SLC68A1: variants seen among roughly 807,000 people sequenced by gnomAD.
The protein encoded by SLC68A1 is solute carrier family 68 member 1, also known as major facilitator superfamily domain containing 13A.
At chr10:102,471,402 G>A in the SLC68A1 span, 1 of 1,609,114 alleles carries the variant, frequency 6.2e-7, no homozygotes, top group Non-Finnish European at 8.5e-7. Flanking sequence ...TGCAGGTATG[G>A]GGAGCAGCTC....
At chr10:102,471,062 C>T in the SLC68A1 span, 86 of 1,613,600 alleles carry the variant, frequency 5.3e-5, no homozygotes, top group Admixed American at 6.7e-5. Flanking sequence ...GCTGAGGCGG[C>T]GGGTTGAGGC....
chr10:102,471,060 G>A, the SLC68A1 span: 15 of 1,613,722 alleles, frequency 9.3e-6, no homozygotes, highest in Admixed American at 3.3e-5. Flanking sequence ...CTGCTGAGGC[G>A]GCGGGTTGAG....
At chr10:102,476,699 A>C in the SLC68A1 span, 2 of 986,234 alleles carry the variant, frequency 2.0e-6, no homozygotes, top group Admixed American at 1.2e-4. Flanking sequence ...AGGCAGGAGG[A>C]CAGAAGAGGA....
chr10:102,467,622 GGGTGGT>G, the SLC68A1 span, among the ~76,000 whole-genome samples: 1 of 151,998 alleles, frequency 6.6e-6, no homozygotes, highest in South Asian at 2.1e-4. Flanking sequence ...TGGCCCACGG[GGGTGGT>G]GGTGGGGACT....
At chr10:102,476,366 C>G in the SLC68A1 span, 2 of 390,608 alleles carry the variant, frequency 5.1e-6, no homozygotes, top group South Asian at 1.9e-4. Context: ...CTGTGGCCAA[C>G]CTAATTTTTG....
chr10:102,472,697 A>G, the SLC68A1 span: 1 of 688,556 alleles, frequency 1.5e-6, no homozygotes, highest in East Asian at 2.7e-5. Flanking sequence ...GTGTTCTGGC[A>G]TGTTCTGTGT....
At chr10:102,473,670 G>C in the SLC68A1 span, 1 of 1,614,146 alleles carries the variant, frequency 6.2e-7, no homozygotes, top group Non-Finnish European at 8.5e-7. Flanking sequence ...TCCTGCTCAA[G>C]CTGGGACTTA....
At chr10:102,477,028 G>A in the SLC68A1 span, 6 of 985,544 alleles carry the variant, frequency 6.1e-6, no homozygotes, top group South Asian at 9.4e-5. Context: ...ATTAAAGTCA[G>A]CCATTCTTTT....
the SLC68A1 span, chr10:102,475,907 G>A: frequency 6.2e-7 from 1 of 1,613,804 alleles, no homozygotes; most frequent in Non-Finnish European, 8.5e-7. Context: ...CACGCTGCAT[G>A]GGAGACGCCT....
At chr10:102,473,971 T>C in the SLC68A1 span, 177 of 1,611,160 alleles carry the variant, frequency 1.1e-4, 1 homozygote, top group South Asian at 1.7e-3. Context: ...GGCCAGACCT[T>C]TGCCCCGCTG....
chr10:102,468,939 G>C, the SLC68A1 span: 1 of 1,148,198 alleles, frequency 8.7e-7, no homozygotes, highest in Non-Finnish European at 1.2e-6. Context: ...TTGCTCACTG[G>C]TTCCTTCTTC....
At chr10:102,467,123 C>A in the SLC68A1 span, among the ~76,000 whole-genome samples, 1 of 152,216 alleles carries the variant, frequency 6.6e-6, no homozygotes, top group African/African-American at 2.4e-5. Context: ...CTGTAACCTC[C>A]ACCTCTGGGG....
the SLC68A1 span, chr10:102,476,055 T>A: frequency 2.3e-6 from 3 of 1,329,192 alleles, no homozygotes; most frequent in Admixed American, 3.4e-5. Flanking sequence ...TTTTTTGGTT[T>A]TTTTTTTAAG....
the SLC68A1 span, chr10:102,470,952 C>T: frequency 6.2e-7 from 1 of 1,613,424 alleles, no homozygotes; most frequent in Non-Finnish European, 8.5e-7. Flanking sequence ...GTCTTTGCAT[C>T]CTATGCCTTT....
At chr10:102,463,628 G>C in the SLC68A1 span, among the ~76,000 whole-genome samples, 2 of 151,204 alleles carry the variant, frequency 1.3e-5, no homozygotes, top group African/African-American at 2.4e-5. Context: ...GGCAGGGTGT[G>C]GGGGGGATGA....
the SLC68A1 span, chr10:102,468,666 C>CAA: frequency 3.4e-3 from 554 of 161,306 alleles, 1 homozygote; most frequent in South Asian, 0.011. Context: ...GACTCTGTCT[C>CAA]AAAAAAAAAA....
At chr10:102,467,906 C>A in the SLC68A1 span, among the ~76,000 whole-genome samples, 39 of 152,294 alleles carry the variant, frequency 2.6e-4, 1 homozygote, top group South Asian at 4.8e-3. Flanking sequence ...GATCCGCCTA[C>A]CCCGGCCTCC....
chr10:102,472,706 G>A, the SLC68A1 span: 7 of 711,388 alleles, frequency 9.8e-6, no homozygotes, highest in African/African-American at 1.0e-4. Context: ...CATGTTCTGT[G>A]TTTAGGGACA....
At chr10:102,475,722 G>A in the SLC68A1 span, 1 of 1,595,166 alleles carries the variant, frequency 6.3e-7, no homozygotes, top group Non-Finnish European at 8.6e-7. Flanking sequence ...CTTGTCCTAG[G>A]TCATGACCTC....
Sources: gnomAD v4.1 joint callset for allele counts (sites outside exome capture counted in the v4.1 genomes callset) on GRCh38, gnomAD v4.1.1 for gene constraint, MANE v1.5 for transcripts, NCBI Gene and HGNC (gene_info 2026-07-23, HGNC 2026-07-21) for gene names.